Variants in NRG1 observed in about 807,000 individuals in gnomAD.
The protein encoded by NRG1 is neuregulin 1.
Under a neutral mutation model 63.8 loss-of-function variants are expected in NRG1, and 18 were observed. The ratio of observed to expected loss-of-function variants is 0.28; its 90% CI spans 0.19 to 0.42. The LOEUF is 0.42. Among genes scored for constraint, NRG1 ranks in the 10% least tolerant of loss-of-function variants. The pLI is 1.00. For missense variants in NRG1, 762 were observed against 814.7 expected, an observed-to-expected ratio of 0.94 and a Z score of 0.79; for synonymous variants, 302 against 301.3, an observed-to-expected ratio of 1.00 and a Z score of -0.02.
intron 1 of NRG1, among the ~76,000 whole-genome samples, chr8:32,190,283 A>C (rs1229980540): frequency 5.3e-5 from 8 of 151,958 alleles, no homozygotes; most frequent in Non-Finnish European, 8.8e-5. Context: ...TAAAGGAGAC[A>C]ATATTTCTAA....
At chr8:32,375,798 G>A (rs1809546529) in intron 1 of NRG1, among the ~76,000 whole-genome samples, 1 of 152,014 alleles carries the variant, frequency 6.6e-6, no homozygotes, top group South Asian at 2.1e-4. Context: ...GTGTATTAAG[G>A]GCTGGCTTTT....
At chr8:31,742,842 G>A (rs1193231892) in intron 1 of NRG1, among the ~76,000 whole-genome samples, 1 of 151,958 alleles carries the variant, frequency 6.6e-6, no homozygotes, top group Non-Finnish European at 1.5e-5. Flanking sequence ...ACATTTTCAT[G>A]AGCAAGGCCT....
At chr8:32,728,156 T>G in intron 6 of NRG1, 78 bp downstream of exon 6, 1 of 1,573,116 alleles carries the variant, frequency 6.4e-7, no homozygotes, top group Non-Finnish European at 8.6e-7. Context: ...TGATGTATTG[T>G]TGCTTTTTTT....
intron 1 of NRG1, among the ~76,000 whole-genome samples, chr8:31,933,612 G>A (rs1835044600): frequency 6.6e-6 from 1 of 152,162 alleles, no homozygotes; most frequent in Admixed American, 6.5e-5. Flanking sequence ...TGAGGAAACT[G>A]AGACACAGAG....
chr8:32,257,661 A>G (rs1849884050), intron 1 of NRG1, among the ~76,000 whole-genome samples: 1 of 152,148 alleles, frequency 6.6e-6, no homozygotes, highest in South Asian at 2.1e-4. Flanking sequence ...AGAATACACT[A>G]GATAACTCTT....
chr8:32,271,091 T>G (rs1851497566), intron 1 of NRG1, among the ~76,000 whole-genome samples: 1 of 152,158 alleles, frequency 6.6e-6, no homozygotes, highest in Non-Finnish European at 1.5e-5. Flanking sequence ...TCTCCTCTTG[T>G]CAAAATCTCA....
exon 12 of NRG1, chr8:32,767,795 T>C (rs753193421): frequency 9.2e-5 from 14 of 152,176 alleles, no homozygotes; most frequent in Admixed American, 7.2e-4. Context: ...AGAATGTATA[T>C]GTAACTGAAA....
rs181091479 is a variant in NRG1 at position 32,011,647 on chromosome 8, G to C, written c.37+372216G>C. 6.6e-4 allele frequency among the ~76,000 whole-genome samples: 100 copies of C among 152,178 alleles called. 1 individual carries two copies. Among genetic ancestry groups the C allele is most frequent in the African/African-American group, 2.3e-3 (94 of 41,532 alleles). On this transcript the variant is annotated intron_variant, in intron 1 of 10. Coordinates refer to the NRG1 transcript ENST00000519301. ...CTGATGCTACAAAATGTTGTTTGTG[G>C]ACAATTCTCCTGAGCACCACTCTCC...
At chr8:31,942,188 G>A (rs1801853008) in intron 1 of NRG1, among the ~76,000 whole-genome samples, 1 of 152,062 alleles carries the variant, frequency 6.6e-6, no homozygotes, top group Non-Finnish European at 1.5e-5. Context: ...TATAAAAATA[G>A]GTGCATAGAC....
intron 1 of NRG1, among the ~76,000 whole-genome samples, chr8:32,532,803 T>A (rs1488850284): frequency 6.6e-6 from 1 of 152,078 alleles, no homozygotes; most frequent in Non-Finnish European, 1.5e-5. Context: ...TAGATATGAT[T>A]TAATCATGAT....
rs139395408 is a variant in NRG1, at chr8:32,107,032, C to G, written c.37+467601C>G. Among the ~76,000 whole-genome samples, 1,192 of 151,936 alleles carry G rather than the reference C, an allele frequency of 7.8e-3. 18 individuals are homozygous for G. The highest frequency in any genetic ancestry group is 0.026 in the African/African-American group (1,078 of 41,458). ...AGGAGTTCAAGACCAGCCTGACCAACATGGTGAAACCCTGTCTCTACTAAA... is the reference window on the plus strand; with the variant it reads ...AGGAGTTCAAGACCAGCCTGACCAAGATGGTGAAACCCTGTCTCTACTAAA... On this transcript the variant is annotated intron_variant, in intron 1 of 10. Coordinates refer to the NRG1 transcript ENST00000519301.
At chr8:31,757,173 C>CT (rs1296051936) in intron 1 of NRG1, among the ~76,000 whole-genome samples, 9 of 151,746 alleles carry the variant, frequency 5.9e-5, no homozygotes, top group African/African-American at 1.7e-4. Context: ...ATTTGTTGTC[C>CT]TTTTTTTTCA....
intron 1 of NRG1, among the ~76,000 whole-genome samples, chr8:32,481,294 G>T (rs991940231): frequency 3.3e-5 from 5 of 152,076 alleles, no homozygotes; most frequent in Non-Finnish European, 5.9e-5. Flanking sequence ...CAGTGAGATT[G>T]CACCACTGCA....
intron 1 of NRG1, among the ~76,000 whole-genome samples, chr8:32,361,757 G>A (rs1321901396): frequency 6.6e-6 from 1 of 152,178 alleles, no homozygotes; most frequent in Non-Finnish European, 1.5e-5. Flanking sequence ...ACCAGGCTTA[G>A]GTTCAAATCC....
At chr8:32,115,755 G>A (rs1832631327) in intron 1 of NRG1, among the ~76,000 whole-genome samples, 1 of 152,078 alleles carries the variant, frequency 6.6e-6, no homozygotes, top group Non-Finnish European at 1.5e-5. Flanking sequence ...TACTACTATT[G>A]TCCTCATTTC....
intron 1 of NRG1, among the ~76,000 whole-genome samples, chr8:31,771,149 A>G (rs1256200656): frequency 1.3e-5 from 2 of 152,130 alleles, no homozygotes; most frequent in South Asian, 2.1e-4. Flanking sequence ...TCCCTTTGTA[A>G]TCTTGTCCTT....
chr8:32,296,068 A>G (rs1854828530), intron 1 of NRG1, among the ~76,000 whole-genome samples: 1 of 152,120 alleles, frequency 6.6e-6, no homozygotes, highest in African/African-American at 2.4e-5. Context: ...TATCATTGGC[A>G]AGATATCTAA....
intron 1 of NRG1, chr8:32,442,788 C>G (rs1165568394): frequency 6.6e-6 from 1 of 152,124 alleles, no homozygotes; most frequent in Admixed American, 6.6e-5. Flanking sequence ...AGAGTACTGT[C>G]AAGATTACCT....
chr8:31,862,532 C>T (rs1259781094), intron 1 of NRG1, among the ~76,000 whole-genome samples: 1 of 152,124 alleles, frequency 6.6e-6, no homozygotes. Flanking sequence ...TGGTTTTGAA[C>T]TTGATTTGGG....
Sources: allele counts gnomAD v4.1 joint callset (sites outside exome capture counted in the v4.1 genomes callset), GRCh38; gene constraint gnomAD v4.1.1; transcripts MANE v1.5; gene names NCBI Gene and HGNC (gene_info 2026-07-23, HGNC 2026-07-21).